Variants in AK9 observed in about 807,000 individuals in gnomAD.
The protein encoded by AK9 is adenylate kinase 9.
AK9 carries 191 observed loss-of-function variants against 239.6 expected under a neutral mutation model. The observed-to-expected ratio is 0.80, with a 90% CI of 0.71 to 0.90. AK9 has a LOEUF of 0.90. AK9 is among the 40% of genes least tolerant of loss of function. The pLI is 0.00. For missense variants in AK9, 1,995 were observed against 2,214.7 expected (o/e 0.90, Z 1.99); for synonymous variants, 689 against 721.0 (o/e 0.96, Z 0.71).
intron 17 of AK9, among the ~76,000 whole-genome samples, chr6:109,595,387 T>C (rs534314990): frequency 6.6e-6 from 1 of 152,316 alleles, no homozygotes; most frequent in South Asian, 2.1e-4. Flanking sequence ...GTAGGAACAC[T>C]TTTACACTGT....
intron 24 of AK9, among the ~76,000 whole-genome samples, chr6:109,556,556 T>C (rs9374099): frequency 0.58 from 88,418 of 151,912 alleles, 27,426 homozygotes; most frequent in South Asian, 0.84. Flanking sequence ...TGGCTTTTCT[T>C]GCTAGATTGA....
In AK9 at chr6:109,612,075, T is replaced by A; in HGVS notation, c.1628A>T (p.Glu543Val). ...VDKDDGKETG[E>V]TFTFKRHSQD... ...AGAATGCCTTTTAAATGTGAATGTTTCACCAGTTTCTTTTCCATCTGTGAA... is the reference window on the plus strand; with the variant it reads ...AGAATGCCTTTTAAATGTGAATGTTACACCAGTTTCTTTTCCATCTGTGAA... The change falls in exon 16 of 41, where the codon GAA becomes GTA. Residue 543 changes from glutamate (E) to valine (V), a missense_variant. Physicochemically the swap from Glu to Val is moderately radical, Grantham distance 121. Around this residue, in one of 5 missense-constraint regions of AK9, gnomAD observed 1,290 missense variants for 1,392.7 expected, o/e 0.93. Transcript: ENST00000424296. 3.2e-6 allele frequency: 5 copies of A among 1,540,168 alleles called. No individual in the cohort carries two copies. Among genetic ancestry groups the A allele is most frequent in the Middle Eastern group, 1.7e-4 (1 of 5,956 alleles).
At chr6:109,512,135 T>C (rs1778817767) in intron 32 of AK9, among the ~76,000 whole-genome samples, 1 of 152,166 alleles carries the variant, frequency 6.6e-6, no homozygotes, top group African/African-American at 2.4e-5. Context: ...CATAAAGACC[T>C]TGCTGATAAA....
At chr6:109,551,288 C>A (rs745975539) in intron 24 of AK9, among the ~76,000 whole-genome samples, 3 of 151,932 alleles carry the variant, frequency 2.0e-5, no homozygotes, top group African/African-American at 4.8e-5. Flanking sequence ...GAGGCCGAGG[C>A]GGGGTGGATC....
chr6:109,600,355 G>A (rs1336700507), intron 17 of AK9, among the ~76,000 whole-genome samples: 1 of 152,070 alleles, frequency 6.6e-6, no homozygotes, highest in Non-Finnish European at 1.5e-5. Flanking sequence ...TTTGTCTTTG[G>A]TTCTGTTTAT....
intron 1 of AK9, among the ~76,000 whole-genome samples, chr6:109,684,742 C>T (rs1317516983): frequency 3.4e-4 from 48 of 140,744 alleles, no homozygotes; most frequent in African/African-American, 9.2e-4. Flanking sequence ...GGCGTAGTGG[C>T]GGGCGCCTGT....
At chr6:109,645,370 C>T (rs1221249866) in intron 8 of AK9, among the ~76,000 whole-genome samples, 2 of 152,226 alleles carry the variant, frequency 1.3e-5, no homozygotes, top group Non-Finnish European at 2.9e-5. Context: ...CTGCGCTTTT[C>T]CAACAGTCTT....
Position 109,564,118 on chromosome 6 carries a change from G to A in AK9, c.2597C>T (p.Pro866Leu), listed in dbSNP as rs1263463872. 1 of 1,551,284 alleles carries A rather than the reference G, an allele frequency of 6.4e-7. No homozygotes were observed. Among genetic ancestry groups the A allele is most frequent in the Admixed American group, 2.0e-5 (1 of 50,986 alleles). Reference sequence around the variant, plus strand: ...AACTACTTTTTGAAGTAATTCCTGTGGAGTTCTGTCAGCAATCTCCAAGTT... The same window carrying A: ...AACTACTTTTTGAAGTAATTCCTGTAGAGTTCTGTCAGCAATCTCCAAGTT... ...ILNLEIADRT[P>L]QELLQKVVET... The change falls in exon 23 of 41, where the codon CCA becomes CTA. Residue 866 changes from proline to leucine, a missense_variant. Pro to Leu is a moderately conservative substitution (Grantham distance 98). Transcript: ENST00000424296.
At position 109,654,190 on chromosome 6, in the gene AK9, T is replaced by C. The variant is rs76823819; in HGVS notation, c.759+2566A>G. On this transcript the variant is annotated intron_variant, in intron 8 of 40. Transcript: ENST00000424296. ...TGAACAAAATCATCTCTTTATCCAG[T>C]GTATTTTGTTTTCACAATATTGTAT... Among the ~76,000 whole-genome samples, 301 of 152,274 alleles carry C rather than the reference T, an allele frequency of 2.0e-3. 6 individuals are homozygous for C. In the East Asian group the frequency reaches 0.048, roughly 24 times the overall value.
At chr6:109,597,351 T>C (rs562373053) in intron 17 of AK9, among the ~76,000 whole-genome samples, 1 of 152,186 alleles carries the variant, frequency 6.6e-6, no homozygotes, top group Non-Finnish European at 1.5e-5. Flanking sequence ...TTAATTTTTA[T>C]TGAAACAAAC....
At position 109,659,344 on chromosome 6, in the gene AK9, T is replaced by C; in HGVS notation, c.514A>G (p.Ser172Gly). 3 of 1,612,060 alleles carry C rather than the reference T, an allele frequency of 1.9e-6. No individual in the cohort carries two copies. The highest frequency in any genetic ancestry group is 1.3e-5 in the African/African-American group (1 of 74,952). The change falls in exon 7 of 41, where the codon AGT becomes GGT. Residue 172 changes from serine (S) to glycine (G), a missense_variant. Ser to Gly is a moderately conservative substitution (Grantham distance 56). Coordinates refer to ENST00000424296, the MANE Select transcript of AK9 (RefSeq NM_001145128.3). ...ACTTCAGGATCCCACTGGTCTCTACTGTATATGTATCCCGTATTATTGTGC... is the reference window on the plus strand; with the variant it reads ...ACTTCAGGATCCCACTGGTCTCTACCGTATATGTATCCCGTATTATTGTGC... ...RQHNNTGYIY[S>G]RDQWDPEVIE... is the part of the protein sequence containing the mutation.
At chr6:109,633,364 T>C in intron 10 of AK9, 41 bp from the exon 11 acceptor site, 2 of 1,566,406 alleles carry the variant, frequency 1.3e-6, no homozygotes, top group South Asian at 2.4e-5. Flanking sequence ...TGGGCATAAA[T>C]TTTGCTGAAA....
chr6:109,651,894 A>T (rs1347394882), intron 8 of AK9, among the ~76,000 whole-genome samples: 4 of 152,204 alleles, frequency 2.6e-5, no homozygotes, highest in African/African-American at 9.7e-5. Context: ...ACAGGCTCTG[A>T]AATTGAGGCA....
At chr6:109,533,839 T>C (rs1781595159) in intron 27 of AK9, among the ~76,000 whole-genome samples, 1 of 152,202 alleles carries the variant, frequency 6.6e-6, no homozygotes, top group African/African-American at 2.4e-5. Flanking sequence ...ACAATTACTA[T>C]TAACTGAAAG....
At chr6:109,577,904 C>CTCGTTCTG in intron 20 of AK9, among the ~76,000 whole-genome samples, 1 of 137,224 alleles carries the variant, frequency 7.3e-6, no homozygotes, top group East Asian at 2.1e-4. Context: ...CTCTCTTTCT[C>CTCGTTCTG]TCTTTCTTTC....
rs558639331 is a variant in AK9 at position 109,586,049 on chromosome 6, C to T, written c.1866G>A (p.Arg622=). 40 of 1,550,920 alleles carry T rather than the reference C, an allele frequency of 2.6e-5. No individual in the cohort carries two copies. The highest frequency in any genetic ancestry group is 1.5e-4 in the East Asian group (6 of 40,880). The change falls in exon 18 of 41, where the codon AGG becomes AGA. Residue 622 remains arginine (R), a synonymous_variant. Coordinates refer to ENST00000424296, the MANE Select transcript of AK9 (RefSeq NM_001145128.3). Reference sequence around the variant, plus strand: ...CTCCATATTTTGGGGCACCAGGAAACCTATCCTTGTTTTCTTCCATTACCT... The same window carrying T: ...CTCCATATTTTGGGGCACCAGGAAATCTATCCTTGTTTTCTTCCATTACCT... ...LGEVMEENKD[R]FPGAPKYGGW...
intron 32 of AK9, among the ~76,000 whole-genome samples, 159 bp downstream of exon 32, chr6:109,514,065 C>T (rs761363703): frequency 6.6e-6 from 1 of 152,188 alleles, no homozygotes; most frequent in East Asian, 1.9e-4. Context: ...CTCAGGGAGA[C>T]GGATTGGAGA....
chr6:109,675,970 G>A (rs557038948), intron 1 of AK9, among the ~76,000 whole-genome samples: 1 of 152,150 alleles, frequency 6.6e-6, no homozygotes, highest in South Asian at 2.1e-4. Context: ...CCAACTATAT[G>A]TTGTATAAAA....
At chr6:109,535,267 G>T (rs1176206252) in intron 27 of AK9, among the ~76,000 whole-genome samples, 1 of 152,172 alleles carries the variant, frequency 6.6e-6, no homozygotes, top group Non-Finnish European at 1.5e-5. Flanking sequence ...TCCAGCACCT[G>T]TTGTTTCCTG....
Sources: gnomAD v4.1 joint callset for allele counts (sites outside exome capture counted in the v4.1 genomes callset) on GRCh38, gnomAD v4.1.1 for gene constraint, gnomAD v4.1.1 regional missense constraint, MANE v1.5 for transcripts, NCBI Gene and HGNC (gene_info 2026-07-23, HGNC 2026-07-21) for gene names.